PTPRA: variants seen among roughly 807,000 people sequenced by gnomAD.
PTPRA encodes the protein protein tyrosine phosphatase receptor type A, also known as receptor-type tyrosine-protein phosphatase alpha.
A neutral mutation model predicts 104.8 loss-of-function variants in PTPRA; 25 were observed. That is an observed-to-expected ratio of 0.24 (90% confidence interval 0.17 to 0.33). The LOEUF (loss-of-function observed/expected upper bound fraction) is 0.33. Among genes scored for constraint, PTPRA ranks in the 10% least tolerant of loss-of-function variants. The pLI, the probability that PTPRA is intolerant of heterozygous loss-of-function variation, is 1.00. For missense variants in PTPRA, 765 were observed against 1,015.3 expected (o/e 0.75, Z 3.35); for synonymous variants, 323 against 368.9 (o/e 0.88, Z 1.43).
At chr20:2,914,717 T>C (rs2147268669) in intron 1 of PTPRA, among the ~76,000 whole-genome samples, 1 of 152,278 alleles carries the variant, frequency 6.6e-6, no homozygotes, top group African/African-American at 2.4e-5. Flanking sequence ...TTAGACTGAA[T>C]TATTTGGAGA....
At chr20:2,872,391 C>T (rs1186652972), upstream of PTPRA, among the ~76,000 whole-genome samples, 2 of 152,192 alleles carry the variant, frequency 1.3e-5, no homozygotes, top group African/African-American at 4.8e-5. The surrounding 1 kb of genome is among the most constrained non-coding windows in gnomAD (Gnocchi z 7.9). Context: ...AGAGACTCGC[C>T]GCCACCTACC....
intron 6 of PTPRA, among the ~76,000 whole-genome samples, chr20:2,976,574 C>A (rs1428355595): frequency 6.6e-6 from 1 of 152,104 alleles, no homozygotes; most frequent in Non-Finnish European, 1.5e-5. Context: ...AATAAATCTC[C>A]TTTCTTAAGT....
At chr20:2,942,150 A>T (rs2060945867) in intron 2 of PTPRA, among the ~76,000 whole-genome samples, 1 of 152,230 alleles carries the variant, frequency 6.6e-6, no homozygotes, top group Non-Finnish European at 1.5e-5. Flanking sequence ...ACCAGCATTC[A>T]TCAGGCTTAT....
chr20:2,969,843 G>T (rs1218110190), intron 5 of PTPRA, among the ~76,000 whole-genome samples: 1 of 151,802 alleles, frequency 6.6e-6, no homozygotes, highest in African/African-American at 2.4e-5. Flanking sequence ...GGTGGCAGGT[G>T]CCTGTAGTCC....
chr20:2,924,775 G>A (rs2060231544), intron 2 of PTPRA, among the ~76,000 whole-genome samples: 1 of 152,116 alleles, frequency 6.6e-6, no homozygotes, highest in Non-Finnish European at 1.5e-5. Flanking sequence ...CCGCTTCCTG[G>A]GTTCAAGCAA....
At chr20:2,866,109 A>G in the PTPRA span, 1 of 979,098 alleles carries the variant, frequency 1.0e-6, no homozygotes, top group Non-Finnish European at 1.6e-6. Context: ...GTATACATAT[A>G]GAATATATAT....
At chr20:2,946,635 G>A (rs1246338979) in intron 2 of PTPRA, among the ~76,000 whole-genome samples, 1 of 151,862 alleles carries the variant, frequency 6.6e-6, no homozygotes, top group Non-Finnish European at 1.5e-5. Flanking sequence ...GGATCACAAG[G>A]TCAGGAGTTT....
chr20:3,017,060 T>G (rs2064498865), intron 12 of PTPRA, among the ~76,000 whole-genome samples: 1 of 152,186 alleles, frequency 6.6e-6, no homozygotes, highest in South Asian at 2.1e-4. Context: ...TTCCCCCTTC[T>G]TTTTTAGTCA....
At chr20:2,958,542 C>T (rs80063381) in intron 3 of PTPRA, among the ~76,000 whole-genome samples, 2 of 150,906 alleles carry the variant, frequency 1.3e-5, no homozygotes, top group African/African-American at 2.4e-5. Flanking sequence ...ACTGTTAAGC[C>T]GGGTACAGTG....
intron 1 of PTPRA, among the ~76,000 whole-genome samples, chr20:2,906,531 T>G (rs1224180993): frequency 2.0e-5 from 3 of 152,238 alleles, no homozygotes; most frequent in Admixed American, 6.5e-5. Context: ...GAGAAATTTC[T>G]TAATTGATTA....
At chr20:2,881,418 C>A (rs1311413272) in intron 1 of PTPRA, among the ~76,000 whole-genome samples, 1 of 152,050 alleles carries the variant, frequency 6.6e-6, no homozygotes, top group Non-Finnish European at 1.5e-5. Context: ...TAAAAAGAAC[C>A]TCTACATTTT....
chr20:2,866,701 T>C, the PTPRA span: 4 of 1,397,068 alleles, frequency 2.9e-6, no homozygotes, highest in East Asian at 4.7e-5. Flanking sequence ...GTAGCAGGGC[T>C]GTCTGGTTTT....
intron 9 of PTPRA, among the ~76,000 whole-genome samples, chr20:2,992,634 A>G (rs1272150896): frequency 6.6e-6 from 1 of 151,994 alleles, no homozygotes; most frequent in Non-Finnish European, 1.5e-5. Context: ...CTAGGCTAGG[A>G]GCATGGTCTT....
Position 3,022,974 on chromosome 20 carries a change from G to GT in PTPRA, c.1464+151dup. 7.5e-6 allele frequency: 10 copies of GT among 1,328,180 alleles called. No homozygotes were observed. The highest frequency in any genetic ancestry group is 1.0e-5 in the Non-Finnish European group (10 of 986,366). The allele number at this position is 1,328,180 out of a possible 1,614,324, so 82.3% of individuals were successfully genotyped here. A position where few individuals can be genotyped will look rare whatever the true frequency, so the allele number is the denominator to read the frequency against. On this transcript the variant is annotated intron_variant, in intron 16 of 23. Coordinates refer to ENST00000399903, the MANE Select transcript of PTPRA (RefSeq NM_001385305.1). The surrounding 1 kb of genome is among the most constrained non-coding windows in gnomAD (Gnocchi z 4.6). The stretch of plus-strand genomic sequence containing the variant: ...AAGAAAGATAGATCACACTGTTACC[G>GT]TGTCTATGTAGAAAAAGGAAGACAC...
chr20:2,975,063 TGAA>T, intron 5 of PTPRA, 149 bp from the exon 6 acceptor site: 2 of 605,518 alleles, frequency 3.3e-6, no homozygotes, highest in Non-Finnish European at 2.8e-6. Flanking sequence ...CAAAGTTTAG[TGAA>T]TCTGGGCAGC....
intron 1 of PTPRA, among the ~76,000 whole-genome samples, chr20:2,874,925 G>A (rs1004487234): frequency 3.9e-5 from 6 of 152,020 alleles, no homozygotes; most frequent in African/African-American, 1.4e-4. Context: ...TCACATGTTG[G>A]GATGTTTTTG....
At chr20:2,953,406 ACC>A (rs1304441268) in intron 3 of PTPRA, among the ~76,000 whole-genome samples, 1 of 151,558 alleles carries the variant, frequency 6.6e-6, no homozygotes, top group Non-Finnish European at 1.5e-5. Context: ...GGCGCGCGTT[ACC>A]ACGCCTGGCT....
At chr20:2,951,111 T>TC (rs1244622863) in intron 3 of PTPRA, among the ~76,000 whole-genome samples, 1 of 152,218 alleles carries the variant, frequency 6.6e-6, no homozygotes, top group East Asian at 1.9e-4. Context: ...TTTCTTTCTT[T>TC]TTTTTTTAGA....
At chr20:3,012,546 C>CAGGT (rs2064224391) in intron 11 of PTPRA, among the ~76,000 whole-genome samples, 1 of 152,202 alleles carries the variant, frequency 6.6e-6, no homozygotes, top group Non-Finnish European at 1.5e-5. Flanking sequence ...GCACATTGAA[C>CAGGT]AGGTGCTCAT....
Sources: gnomAD v4.1 joint callset for allele counts (sites outside exome capture counted in the v4.1 genomes callset) on GRCh38, gnomAD v4.1.1 for gene constraint, Gnocchi (gnomAD v3.1) non-coding constraint, MANE v1.5 for transcripts, NCBI Gene and HGNC (gene_info 2026-07-23, HGNC 2026-07-21) for gene names.